Variants in PCDHGA4 observed in about 807,000 individuals in gnomAD.
PCDHGA4 encodes protocadherin gamma-A4.
Under a neutral mutation model 54.6 loss-of-function variants are expected in PCDHGA4, and 38 were observed. That is an observed-to-expected ratio of 0.70 (90% CI 0.54 to 0.91). PCDHGA4 has a LOEUF of 0.91. Ranked by LOEUF, PCDHGA4 falls within the 40% of genes least tolerant of loss-of-function variation. The probability of loss-of-function intolerance (pLI) is 0.00; values close to 1 mark genes in which losing one functional copy is unlikely to be tolerated. For missense variants in PCDHGA4, 1,298 were observed against 1,220.9 expected, an observed-to-expected ratio of 1.06 and a Z score of -0.94; for synonymous variants, 511 against 512.9, an observed-to-expected ratio of 1.00 and a Z score of 0.05.
At chr5:141,407,114 T>C (rs1309229793) in intron 1 of PCDHGA4, among the ~76,000 whole-genome samples, 1 of 152,228 alleles carries the variant, frequency 6.6e-6, no homozygotes, top group Non-Finnish European at 1.5e-5. Flanking sequence ...ATTATTTGGG[T>C]TTCAGTTGCT....
Position 141,395,219 on chromosome 5 carries a change from T to G in PCDHGA4, c.2514+37598T>G, listed in dbSNP as rs1303078300. On this transcript the variant is annotated intron_variant, in intron 1 of 3. Coordinates refer to ENST00000571252, the MANE Select transcript of PCDHGA4 (RefSeq NM_018917.4). Reference sequence around the variant, plus strand: ...CCGTAGATTTTCATGAATATAAGAATGAAGCTGATCATGGTCAGGTGAGTT... The same window carrying G: ...CCGTAGATTTTCATGAATATAAGAAGGAAGCTGATCATGGTCAGGTGAGTT... 3.7e-6 allele frequency: 6 copies of G among 1,611,924 alleles called. No individual in the cohort carries two copies. In the African/African-American group the frequency reaches 4.0e-5, roughly 11 times the overall value.
In PCDHGA4 at chr5:141,491,786, C is replaced by T; in HGVS notation, c.2515-3021C>T. The stretch of plus-strand genomic sequence containing the variant: ...CCTCATAAGGGATTGAACTTGCATC[C>T]ACTCCTCTCCGGCCGGCTTGGTCGC... On this transcript the variant is annotated intron_variant, in intron 1 of 3. Coordinates refer to ENST00000571252, the MANE Select transcript of PCDHGA4 (RefSeq NM_018917.4). This position sits in a 1 kb window ranked among gnomAD's most constrained non-coding sequence, Gnocchi z 6.9. The T allele has an allele frequency of 1.3e-6, 2 of 1,529,640 alleles. No individual in the cohort carries two copies. The highest frequency in any genetic ancestry group is 2.5e-5 in the South Asian group (2 of 80,832). The allele number at this position is 1,529,640 out of a possible 1,614,324, so 94.8% of individuals were successfully genotyped here.
chr5:141,409,875 A>G, intron 1 of PCDHGA4: 1 of 1,612,810 alleles, frequency 6.2e-7, no homozygotes, highest in Non-Finnish European at 8.5e-7. Flanking sequence ...CGCAATGACA[A>G]CGCACCGCGG....
intron 1 of PCDHGA4, chr5:141,390,281 G>A (rs995951705): frequency 1.9e-6 from 3 of 1,613,968 alleles, no homozygotes; most frequent in Middle Eastern, 1.6e-4. Context: ...CTTCCCATCA[G>A]GTGAGTTTCC....
intron 1 of PCDHGA4, chr5:141,420,092 G>A: frequency 1.2e-6 from 2 of 1,614,020 alleles, no homozygotes; most frequent in Non-Finnish European, 1.7e-6. Flanking sequence ...CAACTACAGT[G>A]AGGGAACGTT....
rs1452697214 is a variant in PCDHGA4, at chr5:141,476,552, G to A, written c.2515-18255G>A. ...CCAGGAAATGAAATTGGAGATTAGCGAGGCCGTGGCTCCGGGGACGCGCTT... is the reference window on the plus strand; with the variant it reads ...CCAGGAAATGAAATTGGAGATTAGCAAGGCCGTGGCTCCGGGGACGCGCTT... On this transcript the variant is annotated intron_variant, in intron 1 of 3. Transcript: ENST00000571252. The surrounding 1 kb of genome is among the most constrained non-coding windows in gnomAD (Gnocchi z 7.6). 1 of 1,614,210 alleles carries A rather than the reference G, an allele frequency of 6.2e-7. No homozygotes were observed. Among genetic ancestry groups the A allele is most frequent in the Non-Finnish European group, 8.5e-7 (1 of 1,180,032 alleles).
At chr5:141,469,964 G>T (rs974494589) in intron 1 of PCDHGA4, among the ~76,000 whole-genome samples, 2 of 152,002 alleles carry the variant, frequency 1.3e-5, no homozygotes, top group Non-Finnish European at 2.9e-5. Flanking sequence ...AACCCCATCT[G>T]TACCAAAAAT....
chr5:141,421,513 C>G lies in PCDHGA4; in HGVS notation c.2514+63892C>G, dbSNP rs368199651. ...GGCAGGCAGGATAGACCGGGAGGAG[C>G]TCTGTGAGACGGTGTCCTCCTGTTT... On this transcript the variant is annotated intron_variant, in intron 1 of 3. Coordinates refer to ENST00000571252, the MANE Select transcript of PCDHGA4 (RefSeq NM_018917.4). 61 of 1,614,078 alleles carry G rather than the reference C, an allele frequency of 3.8e-5. No individual in the cohort carries two copies. The African/African-American group carries it at 7.5e-4, about 20-fold the overall frequency.
chr5:141,384,788 G>C (rs765446040), intron 1 of PCDHGA4: 21 of 1,613,120 alleles, frequency 1.3e-5, no homozygotes, highest in African/African-American at 2.7e-5. Context: ...CGCACGGCTC[G>C]GGCCCTGCTG....
At chr5:141,419,259 CG>C in intron 1 of PCDHGA4, 1 of 1,614,016 alleles carries the variant, frequency 6.2e-7, no homozygotes, top group Non-Finnish European at 8.5e-7. Context: ...AACAACCAGC[CG>C]GGTGCCTCCA....
chr5:141,422,470 T>C, intron 1 of PCDHGA4: 1 of 1,613,440 alleles, frequency 6.2e-7, no homozygotes, highest in Non-Finnish European at 8.5e-7. Flanking sequence ...GGACAGGGAG[T>C]TGGTCCAGAG....
Position 141,356,740 on chromosome 5 carries a change from C to A in PCDHGA4, c.1633C>A (p.Leu545Ile). 1.2e-6 allele frequency: 2 copies of A among 1,614,016 alleles called. No individual in the cohort carries two copies. Among genetic ancestry groups the A allele is most frequent in the Non-Finnish European group, 1.7e-6 (2 of 1,179,880 alleles). ...YVSINSNTGILYALCSFDYEQ... is the reference protein window; with the variant it reads ...YVSINSNTGIIYALCSFDYEQ... Reference sequence around the variant, plus strand: ...CTCCATCAACTCCAATACAGGGATCCTATATGCTCTTTGCTCCTTCGACTA... The same window carrying A: ...CTCCATCAACTCCAATACAGGGATCATATATGCTCTTTGCTCCTTCGACTA... Residue 545 changes from leucine (L) to isoleucine (I), a missense_variant, in exon 1 of 4, where the codon CTA (leucine) becomes ATA (isoleucine). Coordinates refer to ENST00000571252, the MANE Select transcript of PCDHGA4 (RefSeq NM_018917.4).
At chr5:141,460,122 G>A (rs530307574) in intron 1 of PCDHGA4, among the ~76,000 whole-genome samples, 2 of 151,928 alleles carry the variant, frequency 1.3e-5, no homozygotes, top group African/African-American at 4.8e-5. Flanking sequence ...TTTTATATAT[G>A]TAATATATAT....
chr5:141,457,942 T>C (rs2098933338), intron 1 of PCDHGA4, among the ~76,000 whole-genome samples: 1 of 152,226 alleles, frequency 6.6e-6, no homozygotes, highest in Non-Finnish European at 1.5e-5. Flanking sequence ...TTATTGGCTC[T>C]GCATGTCAAG....
intron 1 of PCDHGA4, among the ~76,000 whole-genome samples, chr5:141,434,630 A>G (rs2097706465): frequency 6.6e-6 from 1 of 152,106 alleles, no homozygotes; most frequent in African/African-American, 2.4e-5. Flanking sequence ...CGTTTCCCAT[A>G]AGGGATACTT....
At position 141,491,121 on chromosome 5, in the gene PCDHGA4, G is replaced by T. The variant is rs1176877834; in HGVS notation, c.2515-3686G>T. On this transcript the variant is annotated intron_variant, in intron 1 of 3. Transcript: ENST00000571252. The surrounding 1 kb of genome is among the most constrained non-coding windows in gnomAD (Gnocchi z 6.9). ...TCCTCGTGTCTACACACACTGGTGA[G>T]GTGCGCACAGCCCGGGCCTTACTGG... 5 of 1,614,200 alleles carry T rather than the reference G, an allele frequency of 3.1e-6. No individual in the cohort carries two copies. In the South Asian group the frequency reaches 5.5e-5, roughly 18 times the overall value.
At chr5:141,368,236 C>T (rs1444187989) in intron 1 of PCDHGA4, among the ~76,000 whole-genome samples, 1 of 152,160 alleles carries the variant, frequency 6.6e-6, no homozygotes, top group Non-Finnish European at 1.5e-5. Context: ...CTACATTACT[C>T]AACCACATGA....
intron 1 of PCDHGA4, among the ~76,000 whole-genome samples, chr5:141,437,771 A>G (rs971065583): frequency 7.9e-5 from 12 of 151,238 alleles, no homozygotes; most frequent in Admixed American, 6.6e-5. Context: ...CAGAGTCTCA[A>G]TCTGTCGCCA....
intron 3 of PCDHGA4, among the ~76,000 whole-genome samples, chr5:141,509,065 T>A (rs1294546432): frequency 6.6e-6 from 1 of 152,018 alleles, no homozygotes; most frequent in Non-Finnish European, 1.5e-5. Context: ...AGCTCTCAGC[T>A]CCGGGGATTT....
Sources: gnomAD v4.1 joint callset for allele counts (sites outside exome capture counted in the v4.1 genomes callset) on GRCh38, gnomAD v4.1.1 for gene constraint, Gnocchi (gnomAD v3.1) non-coding constraint, MANE v1.5 for transcripts, NCBI Gene and HGNC (gene_info 2026-07-23, HGNC 2026-07-21) for gene names.